PIP4K2A: variants seen among roughly 807,000 people sequenced by gnomAD.
PIP4K2A encodes the protein phosphatidylinositol 5-phosphate 4-kinase type-2 alpha.
A neutral mutation model predicts 42.9 loss-of-function variants in PIP4K2A; 14 were observed. That is an observed-to-expected ratio of 0.33 (90% CI 0.22 to 0.51). The LOEUF is 0.51. PIP4K2A is among the 20% of genes least tolerant of loss of function. PIP4K2A has a pLI of 0.97. For missense variants in PIP4K2A, 434 were observed against 519.8 expected (o/e 0.83, Z 1.61); for synonymous variants, 192 against 192.2 (o/e 1.00, Z 0.01).
At chr10:22,659,410 T>C (rs1339080148) in intron 1 of PIP4K2A, among the ~76,000 whole-genome samples, 1 of 152,168 alleles carries the variant, frequency 6.6e-6, no homozygotes, top group Non-Finnish European at 1.5e-5. Flanking sequence ...CTAGCCAATA[T>C]GGCAAAACCC....
intron 1 of PIP4K2A, among the ~76,000 whole-genome samples, chr10:22,712,640 T>C (rs1050095378): frequency 2.0e-5 from 3 of 152,244 alleles, no homozygotes; most frequent in African/African-American, 7.2e-5. Context: ...GTAATAAAAC[T>C]TGAGAGAGGA....
intron 1 of PIP4K2A, among the ~76,000 whole-genome samples, chr10:22,648,383 T>C (rs1838927878): frequency 6.6e-6 from 1 of 152,240 alleles, no homozygotes; most frequent in East Asian, 1.9e-4. Flanking sequence ...CTCTGGTTAT[T>C]ACAGTATCAA....
intron 1 of PIP4K2A, among the ~76,000 whole-genome samples, chr10:22,663,686 T>C (rs554237743): frequency 3.9e-4 from 60 of 152,210 alleles, no homozygotes; most frequent in Non-Finnish European, 8.1e-4. Flanking sequence ...CATTTTTCTA[T>C]ACAGTGTTCC....
intron 1 of PIP4K2A, among the ~76,000 whole-genome samples, chr10:22,622,403 G>A (rs947781831): frequency 1.3e-5 from 2 of 152,202 alleles, no homozygotes; most frequent in African/African-American, 4.8e-5. Flanking sequence ...GGCACGGGAA[G>A]ACCCAGCTCA....
At chr10:22,541,744 T>C in intron 8 of PIP4K2A, 60 bp downstream of exon 8, 2 of 1,491,334 alleles carry the variant, frequency 1.3e-6, no homozygotes, top group South Asian at 1.4e-5. Context: ...TACTGGTAGA[T>C]AACAAGGCCA....
intron 7 of PIP4K2A, among the ~76,000 whole-genome samples, chr10:22,549,738 G>A (rs1258520984): frequency 6.7e-6 from 1 of 148,428 alleles, no homozygotes; most frequent in Non-Finnish European, 1.5e-5. Context: ...CTACTCAGGA[G>A]GCTGAGGCGG....
Position 22,682,508 on chromosome 10 carries a change from T to C in PIP4K2A, c.144+31675A>G, listed in dbSNP as rs1378689082. Among the ~76,000 whole-genome samples, 3 of 152,198 alleles carry C rather than the reference T, an allele frequency of 2.0e-5. No individual in the cohort carries two copies. In the East Asian group the frequency reaches 5.8e-4, roughly 29 times the overall value. ...CAAAGCATTGCTGACTTACAAATTATTGGACAGTAACAGTGTCCATGAACC... is the reference window on the plus strand; with the variant it reads ...CAAAGCATTGCTGACTTACAAATTACTGGACAGTAACAGTGTCCATGAACC... On this transcript the variant is annotated intron_variant, in intron 1 of 9. Coordinates refer to ENST00000376573, the MANE Select transcript of PIP4K2A (RefSeq NM_005028.5).
chr10:22,597,724 A>G (rs1837665477), intron 3 of PIP4K2A, among the ~76,000 whole-genome samples: 2 of 152,146 alleles, frequency 1.3e-5, no homozygotes, highest in South Asian at 4.1e-4. Context: ...GCATGGAAAA[A>G]AAAAAAGCCT....
chr10:22,625,242 T>TA (rs1838413987), intron 1 of PIP4K2A, among the ~76,000 whole-genome samples: 2 of 152,214 alleles, frequency 1.3e-5, no homozygotes, highest in African/African-American at 2.4e-5. Flanking sequence ...GCTAGGCTTT[T>TA]AAAAAATCAC....
chr10:22,656,582 G>A (rs1447619181), intron 1 of PIP4K2A, among the ~76,000 whole-genome samples: 6 of 152,090 alleles, frequency 3.9e-5, no homozygotes, highest in Non-Finnish European at 8.8e-5. Flanking sequence ...TGAGGCGGGT[G>A]GATCACCTGA....
chr10:22,612,549 G>A (rs1053072252), intron 1 of PIP4K2A, among the ~76,000 whole-genome samples: 2 of 152,206 alleles, frequency 1.3e-5, no homozygotes, highest in Non-Finnish European at 2.9e-5. Context: ...CCGGGAAGCG[G>A]CTGCTGTAGA....
chr10:22,543,728 G>C (rs1036296882), intron 7 of PIP4K2A, among the ~76,000 whole-genome samples: 8 of 152,238 alleles, frequency 5.3e-5, no homozygotes, highest in African/African-American at 1.7e-4. Context: ...TCATGTTTGT[G>C]GGGGCGGCTG....
intron 1 of PIP4K2A, among the ~76,000 whole-genome samples, chr10:22,685,944 C>T (rs534823036): frequency 2.2e-4 from 33 of 152,256 alleles, no homozygotes; most frequent in South Asian, 4.1e-4. Flanking sequence ...CTCTAATTTA[C>T]TTTTTATATA....
At position 22,626,889 on chromosome 10, in the gene PIP4K2A, T is replaced by G. The variant is rs560141257; in HGVS notation, c.145-17172A>C. ...AACTGTCACAGTTTCATGACTCATT[T>G]TCAAAAATATGTCATGCCAATTAAT... On this transcript the variant is annotated intron_variant, in intron 1 of 9. Coordinates refer to ENST00000376573, the MANE Select transcript of PIP4K2A (RefSeq NM_005028.5). Among the ~76,000 whole-genome samples, 8 of 152,346 alleles carry G rather than the reference T, an allele frequency of 5.3e-5. No individual in the cohort carries two copies. The South Asian group carries it at 1.7e-3, about 32-fold the overall frequency.
At chr10:22,591,064 T>C (rs1001717011) in intron 4 of PIP4K2A, among the ~76,000 whole-genome samples, 3 of 152,192 alleles carry the variant, frequency 2.0e-5, no homozygotes, top group Non-Finnish European at 2.9e-5. Flanking sequence ...GAGAGACAGA[T>C]TGCTGCTCCC....
intron 1 of PIP4K2A, among the ~76,000 whole-genome samples, chr10:22,627,374 C>T (rs1187634240): frequency 2.6e-5 from 4 of 151,960 alleles, no homozygotes; most frequent in African/African-American, 9.7e-5. Context: ...GCATCACACA[C>T]ATATTCCTAG....
chr10:22,702,035 G>A (rs1461288134), intron 1 of PIP4K2A, among the ~76,000 whole-genome samples: 1 of 152,202 alleles, frequency 6.6e-6, no homozygotes, highest in Non-Finnish European at 1.5e-5. Flanking sequence ...AAAATTCCAA[G>A]CTGTGAATTT....
At chr10:22,570,272 A>G (rs1588632585) in intron 5 of PIP4K2A, among the ~76,000 whole-genome samples, 2 of 152,268 alleles carry the variant, frequency 1.3e-5, no homozygotes, top group South Asian at 4.1e-4. Flanking sequence ...CTATTTTAAC[A>G]GATGAAGAGA....
At chr10:22,705,259 G>C (rs1187325484) in intron 1 of PIP4K2A, among the ~76,000 whole-genome samples, 1 of 151,900 alleles carries the variant, frequency 6.6e-6, no homozygotes, top group African/African-American at 2.4e-5. Context: ...GGTCAGAACT[G>C]CTGGCTTTTC....
Sources: allele counts gnomAD v4.1 joint callset (sites outside exome capture counted in the v4.1 genomes callset), GRCh38; gene constraint gnomAD v4.1.1; transcripts MANE v1.5; gene names NCBI Gene and HGNC (gene_info 2026-07-23, HGNC 2026-07-21).